PIK3C3: variants seen among roughly 807,000 people sequenced by gnomAD.
PIK3C3 encodes PI3-kinase type 3.
A neutral mutation model predicts 126.1 loss-of-function variants in PIK3C3; 95 were observed. The ratio of observed to expected loss-of-function variants is 0.75; its 90% CI spans 0.64 to 0.89. PIK3C3 has a LOEUF of 0.89. PIK3C3 is among the 40% of genes least tolerant of loss of function. PIK3C3 has a pLI of 0.00. For synonymous variants in PIK3C3, 374 were observed against 360.0 expected, an observed-to-expected ratio of 1.04 and a Z score of -0.44; for missense variants, 829 against 1,063.2, an observed-to-expected ratio of 0.78 and a Z score of 3.06.
At chr18:42,004,566 T>C in intron 10 of PIK3C3, 25 bp downstream of exon 10, 2 of 1,545,146 alleles carry the variant, frequency 1.3e-6, no homozygotes, top group Non-Finnish European at 1.8e-6. Context: ...ATTATTCTGC[T>C]TCAATGGGTC....
rs1483837158 is a variant in PIK3C3, at chr18:42,027,476, T to C, written c.1518T>C (p.Thr506=). Reference sequence around the variant, plus strand: ...TAGTGGAATGTGAAGATCAAGATACTCAGCAGAGAGATCCAAAGACCCATG... The same window carrying C: ...TAGTGGAATGTGAAGATCAAGATACCCAGCAGAGAGATCCAAAGACCCATG... The part of the protein sequence containing the change: ...YVIVECEDQD[T]QQRDPKTHEM... The change falls in exon 14 of 25, where the codon ACT becomes ACC. Residue 506 remains threonine, a synonymous_variant. Transcript: ENST00000262039. 5 of 1,609,666 alleles carry C rather than the reference T, an allele frequency of 3.1e-6. No homozygotes were observed. Among genetic ancestry groups the C allele is most frequent in the Non-Finnish European group, 4.2e-6 (5 of 1,176,558 alleles).
Position 41,990,880 on chromosome 18 carries a change from A to T in PIK3C3, c.714+326A>T, listed in dbSNP as rs144006577. Among the ~76,000 whole-genome samples the T allele has an allele frequency of 1.2e-3, 182 of 152,330 alleles. 1 individual carries two copies. Among genetic ancestry groups the T allele is most frequent in the African/African-American group, 4.3e-3 (178 of 41,592 alleles). On this transcript the variant is annotated intron_variant, in intron 6 of 24. Coordinates refer to ENST00000262039, the MANE Select transcript of PIK3C3 (RefSeq NM_002647.4). ...ACTAATATTATTTATTTAAAAAATG[A>T]AAGGGGGAAATTATATTTCTAAGTG...
At chr18:42,033,581 G>A (rs148890087) in intron 15 of PIK3C3, among the ~76,000 whole-genome samples, 2 of 152,256 alleles carry the variant, frequency 1.3e-5, no homozygotes, top group Non-Finnish European at 2.9e-5. Flanking sequence ...AATGTATTCT[G>A]TATCCTTCCT....
chr18:42,005,050 G>A (rs990896841), intron 10 of PIK3C3, among the ~76,000 whole-genome samples: 2 of 152,186 alleles, frequency 1.3e-5, no homozygotes, highest in African/African-American at 2.4e-5. Context: ...ATTTTCTGAA[G>A]GGGTTTTGGA....
intron 3 of PIK3C3, among the ~76,000 whole-genome samples, chr18:41,965,200 T>G (rs2144300614): frequency 6.6e-6 from 1 of 152,334 alleles, no homozygotes; most frequent in South Asian, 2.1e-4. Flanking sequence ...GACATTCCTC[T>G]TGGTTTTTCC....
chr18:42,023,191 AAG>A (rs1348903370), intron 13 of PIK3C3, among the ~76,000 whole-genome samples: 1 of 152,210 alleles, frequency 6.6e-6, no homozygotes, highest in Non-Finnish European at 1.5e-5. Flanking sequence ...TCACTATGGT[AAG>A]AGCTATATGT....
At chr18:41,970,246 T>A (rs1039809862) in intron 3 of PIK3C3, 81 bp from the exon 4 acceptor site, 53 of 1,175,116 alleles carry the variant, frequency 4.5e-5, no homozygotes, top group Non-Finnish European at 6.5e-5. Flanking sequence ...TATAGAATTC[T>A]CTTTATTTTT....
chr18:42,035,407 A>G (rs938957336), intron 16 of PIK3C3, among the ~76,000 whole-genome samples: 5 of 152,176 alleles, frequency 3.3e-5, no homozygotes, highest in Admixed American at 2.0e-4. Flanking sequence ...TTAAGAGTGG[A>G]CTATAAGAAG....
intron 20 of PIK3C3, among the ~76,000 whole-genome samples, chr18:42,048,619 T>A (rs1984659734): frequency 3.3e-5 from 5 of 152,206 alleles, no homozygotes; most frequent in African/African-American, 1.2e-4. Context: ...TTATTATTAA[T>A]TAATACTATT....
intron 10 of PIK3C3, among the ~76,000 whole-genome samples, chr18:42,009,227 A>G (rs1320048527): frequency 6.6e-6 from 1 of 152,216 alleles, no homozygotes; most frequent in Non-Finnish European, 1.5e-5. Context: ...TAGAAACAAC[A>G]CTATAGAGAG....
chr18:42,021,450 A>C (rs1983316743), intron 13 of PIK3C3, among the ~76,000 whole-genome samples: 1 of 152,222 alleles, frequency 6.6e-6, no homozygotes. Context: ...CAATAAAAAA[A>C]AAGTACTGGG....
At chr18:41,973,069 A>C (rs1980745973) in intron 4 of PIK3C3, among the ~76,000 whole-genome samples, 1 of 152,070 alleles carries the variant, frequency 6.6e-6, no homozygotes, top group Non-Finnish European at 1.5e-5. Context: ...GGTCTCATGT[A>C]GCTCTTTAAT....
At chr18:42,031,710 C>G (rs1983838231) in intron 15 of PIK3C3, among the ~76,000 whole-genome samples, 1 of 152,170 alleles carries the variant, frequency 6.6e-6, no homozygotes, top group Non-Finnish European at 1.5e-5. Flanking sequence ...AGCCACTGTG[C>G]CTGGCCATCT....
intron 4 of PIK3C3, among the ~76,000 whole-genome samples, chr18:41,975,437 T>C (rs1232212532): frequency 6.6e-6 from 1 of 152,188 alleles, no homozygotes; most frequent in Non-Finnish European, 1.5e-5. Flanking sequence ...TATTGGACAG[T>C]GCACATGTCG....
At chr18:42,067,225 A>G (rs1985579603) in intron 23 of PIK3C3, among the ~76,000 whole-genome samples, 163 bp from the exon 24 acceptor site, 1 of 152,216 alleles carries the variant, frequency 6.6e-6, no homozygotes, top group Non-Finnish European at 1.5e-5. Flanking sequence ...GCAAACTTCC[A>G]CACTCCAAAG....
intron 10 of PIK3C3, among the ~76,000 whole-genome samples, chr18:42,007,881 C>T (rs931021007): frequency 5.9e-5 from 9 of 152,170 alleles, no homozygotes; most frequent in African/African-American, 1.7e-4. Context: ...ATTGTGGGTA[C>T]GCTTTTAGTA....
chr18:41,986,599 T>A (rs1191053295), intron 4 of PIK3C3, among the ~76,000 whole-genome samples: 1 of 150,282 alleles, frequency 6.7e-6, no homozygotes, highest in East Asian at 1.9e-4. Flanking sequence ...ACTCTAGCAC[T>A]CTTTTCTGTA....
rs1980146683 is a variant in PIK3C3 at position 41,962,566 on chromosome 18, A to G, written c.335A>G (p.Asp112Gly). The G allele has an allele frequency of 1.2e-6, 2 of 1,613,496 alleles. No individual in the cohort carries two copies. Among genetic ancestry groups the G allele is most frequent in the Non-Finnish European group, 1.7e-6 (2 of 1,179,532 alleles). Residue 112 changes from aspartate to glycine, a missense_variant, in exon 3 of 25, where the codon GAT (aspartate) becomes GGT (glycine). By Grantham distance (94) the Asp-to-Gly change is moderately conservative. Coordinates refer to ENST00000262039, the MANE Select transcript of PIK3C3 (RefSeq NM_002647.4). ...RNAQVALTIWDVYGPGKAVPV... is the reference protein window; with the variant it reads ...RNAQVALTIWGVYGPGKAVPV... The stretch of plus-strand genomic sequence containing the variant: ...GCCCAAGTGGCCCTCACCATATGGG[A>G]TGTGTATGGTCCCGGAAAAGCAGTG...
chr18:41,999,082 A>G (rs1241694617), intron 9 of PIK3C3, among the ~76,000 whole-genome samples: 1 of 151,320 alleles, frequency 6.6e-6, no homozygotes, highest in Non-Finnish European at 1.5e-5. Context: ...TTTTTCCTTA[A>G]TGACCTAAGT....
Sources: allele counts gnomAD v4.1 joint callset (sites outside exome capture counted in the v4.1 genomes callset), GRCh38; gene constraint gnomAD v4.1.1; transcripts MANE v1.5; gene names NCBI Gene and HGNC (gene_info 2026-07-23, HGNC 2026-07-21).